ZNFX1: variants seen among roughly 807,000 people sequenced by gnomAD.
ZNFX1 encodes the protein NFX1-type zinc finger-containing protein 1.
Under a neutral mutation model 179.8 loss-of-function variants are expected in ZNFX1, and 78 were observed. That is an observed-to-expected ratio of 0.43 (90% CI 0.36 to 0.52). The LOEUF is 0.52. Ranked by LOEUF, ZNFX1 falls within the 20% of genes least tolerant of loss-of-function variation. ZNFX1 has a pLI of 0.00. For missense variants in ZNFX1, 1,927 were observed against 2,386.6 expected (o/e 0.81, Z 4.01); for synonymous variants, 848 against 868.5 (o/e 0.98, Z 0.42).
At chr20:49,269,913 C>T (rs1398712525) in intron 3 of ZNFX1, 29 bp downstream of exon 3, 1 of 1,559,670 alleles carries the variant, frequency 6.4e-7, no homozygotes. Context: ...CAAAGCAGAT[C>T]TTATGTACTC....
rs932946784 is a variant in ZNFX1 at position 49,266,332 on chromosome 20, C to A, written c.1871-66G>T. ...TTCTAAATAAAGTAATTACTCAGAG[C>A]AAAATCTTTTTTTAAATTTAATATA... On this transcript the variant is annotated intron_variant, in intron 3 of 13. Transcript: ENST00000396105. 1.8e-5 allele frequency: 26 copies of A among 1,440,208 alleles called. No individual in the cohort carries two copies. The African/African-American group carries it at 2.8e-4, about 15-fold the overall frequency. 89.2% of individuals were successfully genotyped at this position (1,440,208 alleles called of 1,614,324 possible). A position where few individuals can be genotyped will look rare whatever the true frequency, so the allele number is the denominator to read the frequency against.
In ZNFX1 at chr20:49,272,295, G is replaced by A. The variant is rs572835462; in HGVS notation, c.62-545C>T. Among the ~76,000 whole-genome samples, 7 of 151,386 alleles carry A rather than the reference G, an allele frequency of 4.6e-5. No individual in the cohort carries two copies. In the South Asian group the frequency reaches 6.3e-4, roughly 14 times the overall value. On this transcript the variant is annotated intron_variant, in intron 2 of 13. Coordinates refer to ENST00000396105, the MANE Select transcript of ZNFX1 (RefSeq NM_021035.3). ...TAGGTTCAAGTGATTCTCCTGCCTC[G>A]GCTCCCGAGCAGCTGGGATTACACA...
chr20:49,248,695 A>G lies in ZNFX1; in HGVS notation c.4329T>C (p.His1443=). Reference sequence around the variant, plus strand: ...AGCTGTGGCAGGAGCCTGGGCAAGGATGCCCGCAGTCCAAGATAGTGCCAC... The same window carrying G: ...AGCTGTGGCAGGAGCCTGGGCAAGGGTGCCCGCAGTCCAAGATAGTGCCAC... The part of the protein sequence containing the change: ...TKCGTILDCG[H]PCPGSCHSCF... The change falls in exon 14 of 14, where the codon CAT becomes CAC. Residue 1443 remains histidine (H), a synonymous_variant. Coordinates refer to ENST00000396105, the MANE Select transcript of ZNFX1 (RefSeq NM_021035.3). The surrounding 1 kb of genome is among the most constrained non-coding windows in gnomAD (Gnocchi z 4.6). 2 of 1,612,710 alleles carry G rather than the reference A, an allele frequency of 1.2e-6. No individual in the cohort carries two copies. Among genetic ancestry groups the G allele is most frequent in the Non-Finnish European group, 1.7e-6 (2 of 1,180,026 alleles).
At position 49,247,720 on chromosome 20, in the gene ZNFX1, G is replaced by A. The variant is rs1360054562; in HGVS notation, c.5304C>T (p.Asn1768=). 6.2e-7 allele frequency: 1 copy of A among 1,614,188 alleles called. No homozygotes were observed. Among genetic ancestry groups the A allele is most frequent in the East Asian group, 2.2e-5 (1 of 44,890 alleles). ...CTGCTATCTTGTAGCGGGTCAGAAG[G>A]TTCACCAGGTATGTGAGCCTCTGGA... ...SEIQRLTYLV[N]LLTRYKIAEK... is the part of the protein sequence containing the mutation. The change falls in exon 14 of 14, where the codon AAC becomes AAT. Residue 1768 remains asparagine (N), a synonymous_variant. Coordinates refer to ENST00000396105, the MANE Select transcript of ZNFX1 (RefSeq NM_021035.3).
chr20:49,265,846 C>G (rs1400012440), intron 4 of ZNFX1, among the ~76,000 whole-genome samples: 2 of 152,110 alleles, frequency 1.3e-5, no homozygotes, highest in East Asian at 1.9e-4. Context: ...TGAATAAGCT[C>G]AAGATGGAGA....
At chr20:49,255,154 C>G (rs1007963514) in intron 9 of ZNFX1, among the ~76,000 whole-genome samples, 2 of 151,838 alleles carry the variant, frequency 1.3e-5, no homozygotes, top group African/African-American at 4.8e-5. Flanking sequence ...AGCGATTCTC[C>G]TGCCTCAGCC....
At chr20:49,254,176 A>C (rs983507320) in intron 10 of ZNFX1, among the ~76,000 whole-genome samples, 2 of 152,004 alleles carry the variant, frequency 1.3e-5, no homozygotes, top group Admixed American at 6.6e-5. Context: ...ACAGGCACCC[A>C]CCACTACACC....
At chr20:49,261,460 A>G (rs1981108598) in intron 6 of ZNFX1, among the ~76,000 whole-genome samples, 2 of 152,196 alleles carry the variant, frequency 1.3e-5, no homozygotes, top group South Asian at 4.1e-4. Context: ...ACACAAGAAC[A>G]GAAAACCAAA....
In ZNFX1 at chr20:49,249,053, T is replaced by C; in HGVS notation, c.3971A>G (p.Lys1324Arg). 1.2e-6 allele frequency: 2 copies of C among 1,614,254 alleles called. No individual in the cohort carries two copies. Among genetic ancestry groups the C allele is most frequent in the Non-Finnish European group, 1.7e-6 (2 of 1,180,040 alleles). Residue 1324 changes from lysine to arginine, a missense_variant, in exon 14 of 14, where the codon AAG becomes AGG. Lys to Arg is a conservative substitution (Grantham distance 26). Coordinates refer to ENST00000396105, the MANE Select transcript of ZNFX1 (RefSeq NM_021035.3). Reference sequence around the variant, plus strand: ...CCGGTGCCCTTCCTGACAGATGACCTTCTGGCATGGCTTCATGCATTGGAA... The same window carrying C: ...CCGGTGCCCTTCCTGACAGATGACCCTCTGGCATGGCTTCATGCATTGGAA... ...KEFQCMKPCQ[K>R]VICQEGHRCP...
rs1179848248 is a variant in ZNFX1, at chr20:49,271,016, T to C, written c.796A>G (p.Thr266Ala). The change falls in exon 3 of 14, where the codon ACT (threonine) becomes GCT (alanine). Residue 266 changes from threonine to alanine, a missense_variant. Thr to Ala is a moderately conservative substitution (Grantham distance 58, BLOSUM62 0). Transcript: ENST00000396105. Reference protein sequence around the residue: ...SVFPASSVQETSMLVSLLPTS... With the variant: ...SVFPASSVQEASMLVSLLPTS... ...GGCAGGAGGGAAACCAGCATGGAAG[T>C]TTCCTGCACAGAGCTGGCAGGGAAG... is the stretch of plus-strand genomic sequence containing the variant. The C allele has an allele frequency of 6.2e-7, 1 of 1,614,126 alleles. No homozygotes were observed. Among genetic ancestry groups the C allele is most frequent in the South Asian group, 1.1e-5 (1 of 91,080 alleles).
chr20:49,268,013 A>G (rs933954903), intron 3 of ZNFX1, among the ~76,000 whole-genome samples: 2 of 151,962 alleles, frequency 1.3e-5, no homozygotes, highest in African/African-American at 4.8e-5. Context: ...AGCTGGGACT[A>G]CAGGCGCCTG....
chr20:49,247,381 A>G lies in ZNFX1; in HGVS notation c.5643T>C (p.His1881=), dbSNP rs748137419. The G allele has an allele frequency of 5.0e-5, 80 of 1,614,024 alleles. No individual in the cohort carries two copies. Among genetic ancestry groups the G allele is most frequent in the Non-Finnish European group, 6.4e-5 (76 of 1,180,046 alleles). ...DCKEVIGGTN[H]TLERSNQLAS... is the part of the protein sequence containing the mutation. The stretch of plus-strand genomic sequence containing the variant: ...CAAGCTGGTTGCTTCTTTCCAGAGT[A>G]TGATTTGTGCCACCAATCACTTCCT... The change falls in exon 14 of 14, where the codon CAT becomes CAC. Residue 1881 remains histidine, a synonymous_variant. Transcript: ENST00000396105.
intron 7 of ZNFX1, among the ~76,000 whole-genome samples, chr20:49,258,608 C>A (rs1207947650): frequency 2.6e-5 from 4 of 151,642 alleles, no homozygotes; most frequent in East Asian, 3.9e-4. Context: ...GAGTTCGAGA[C>A]CAGCCTGGCC....
intron 7 of ZNFX1, among the ~76,000 whole-genome samples, chr20:49,258,144 G>A (rs1981018977): frequency 6.7e-6 from 1 of 148,446 alleles, no homozygotes; most frequent in Non-Finnish European, 1.5e-5. Context: ...TGCCCAGGCT[G>A]GAGTGCAATG....
rs1188795963 is a variant in ZNFX1, at chr20:49,271,253, T to C, written c.559A>G (p.Ile187Val). 1.2e-6 allele frequency: 2 copies of C among 1,614,050 alleles called. No homozygotes were observed. Among genetic ancestry groups the C allele is most frequent in the African/African-American group, 2.7e-5 (2 of 74,914 alleles). The part of the protein sequence containing the change: ...SSMKSNFLEL[I>V]CQVLRKACSS... ...CAAGCCTTCCGAAGAACCTGACAGA[T>C]GAGCTCAAGGAAGTTAGATTTCATG... The change falls in exon 3 of 14, where the codon ATC becomes GTC. Residue 187 changes from isoleucine (I) to valine (V), a missense_variant. Transcript: ENST00000396105.
In ZNFX1 at chr20:49,263,601, T is replaced by C. The variant is rs1198838504; in HGVS notation, c.2152-118A>G. ...ACAGTAAGGAGGGAGAATAAATAAA[T>C]AGACTGGTCAACAAACCAATTTCCC... On this transcript the variant is annotated intron_variant, in intron 5 of 13. Transcript: ENST00000396105. The C allele has an allele frequency of 4.0e-6, 5 of 1,250,574 alleles. No homozygotes were observed. The East Asian group carries it at 1.0e-4, about 26-fold the overall frequency. 77.5% of individuals were successfully genotyped at this position (1,250,574 alleles called of 1,614,324 possible).
chr20:49,270,267 G>A lies in ZNFX1; in HGVS notation c.1545C>T (p.Tyr515=). ...MVETTAYFEA[Y]RHVLEGLQEV... is the part of the protein sequence containing the mutation. ...CCTGGAGTCCTTCCAGGACGTGCCT[G>A]TAGGCCTCAAAGTATGCAGTTGTCT... The change falls in exon 3 of 14, where the codon TAC becomes TAT. Residue 515 remains tyrosine, a synonymous_variant. Transcript: ENST00000396105. The surrounding 1 kb of genome is among the most constrained non-coding windows in gnomAD (Gnocchi z 4.6). 3 of 1,614,078 alleles carry A rather than the reference G, an allele frequency of 1.9e-6. No individual in the cohort carries two copies. The highest frequency in any genetic ancestry group is 2.5e-6 in the Non-Finnish European group (3 of 1,180,040).
intron 2 of ZNFX1, among the ~76,000 whole-genome samples, chr20:49,275,159 C>T (rs938707317): frequency 6.6e-6 from 1 of 152,022 alleles, no homozygotes; most frequent in Non-Finnish European, 1.5e-5. Flanking sequence ...AAAACTTATG[C>T]TCTTGGCTTA....
chr20:49,273,262 A>G (rs1981467822), intron 2 of ZNFX1, among the ~76,000 whole-genome samples: 1 of 152,078 alleles, frequency 6.6e-6, no homozygotes, highest in Non-Finnish European at 1.5e-5. Context: ...CCTCCTGAGT[A>G]GCTGGGACTA....
Sources: gnomAD v4.1 joint callset for allele counts (sites outside exome capture counted in the v4.1 genomes callset) on GRCh38, gnomAD v4.1.1 for gene constraint, Gnocchi (gnomAD v3.1) non-coding constraint, MANE v1.5 for transcripts, NCBI Gene and HGNC (gene_info 2026-07-23, HGNC 2026-07-21) for gene names.